RARB: variants seen among roughly 807,000 people sequenced by gnomAD.
RARB encodes retinoic acid receptor beta, also known as HBV-activated protein.
In RARB, 17 loss-of-function variants were observed where a neutral mutation model predicts 51.9. The ratio of observed to expected loss-of-function variants is 0.33; its 90% CI spans 0.22 to 0.49. The LOEUF is 0.49. Among genes scored for constraint, RARB ranks in the 20% least tolerant of loss-of-function variants. The probability of loss-of-function intolerance (pLI) is 0.99; values close to 1 mark genes in which losing one functional copy is unlikely to be tolerated. For synonymous variants in RARB, 215 were observed against 195.4 expected, an observed-to-expected ratio of 1.10 and a Z score of -0.84; for missense variants, 369 against 550.8, an observed-to-expected ratio of 0.67 and a Z score of 3.30.
chr3:25,205,739 TAAA>T (rs1320447790), intron 5 of RARB, among the ~76,000 whole-genome samples: 10 of 150,472 alleles, frequency 6.6e-5, no homozygotes, highest in Non-Finnish European at 1.3e-4. Flanking sequence ...AAACAAATAT[TAAA>T]AACCTTTTTT....
At chr3:25,204,087 T>G (rs1701466067) in intron 5 of RARB, among the ~76,000 whole-genome samples, 1 of 152,230 alleles carries the variant, frequency 6.6e-6, no homozygotes, top group Admixed American at 6.5e-5. Flanking sequence ...AGATTTGGTC[T>G]TTTCACATAG....
intron 2 of RARB, among the ~76,000 whole-genome samples, chr3:24,967,076 G>A (rs535647509): frequency 4.6e-5 from 7 of 152,174 alleles, no homozygotes; most frequent in African/African-American, 1.2e-4. Context: ...CATATACTTC[G>A]AAAGTCAACA....
At position 25,111,042 on chromosome 3, in the gene RARB, C is replaced by T. The variant is rs540257114; in HGVS notation, c.-327-21119C>T. Among the ~76,000 whole-genome samples the T allele has an allele frequency of 6.6e-5, 10 of 152,256 alleles. No individual in the cohort carries two copies. The East Asian group carries it at 1.9e-3, about 29-fold the overall frequency. On this transcript the variant is annotated intron_variant, in intron 3 of 11. Transcript: ENST00000383772. ...CTAACATCTTGGCTCTCTTTCCAGC[C>T]TCTTGAGTCTTTCTAAGGCTTGGCA...
intron 2 of RARB, among the ~76,000 whole-genome samples, chr3:24,947,516 A>C (rs182098286): frequency 6.6e-6 from 1 of 152,364 alleles, no homozygotes; most frequent in African/African-American, 2.4e-5. Context: ...CTGTGAGCCA[A>C]CGTCTCTTCC....
intron 5 of RARB, among the ~76,000 whole-genome samples, chr3:25,211,053 A>G (rs1378411459): frequency 6.6e-6 from 1 of 152,176 alleles, no homozygotes; most frequent in Admixed American, 6.5e-5. Context: ...GTAAAGATTA[A>G]TTAATAAAGT....
intron 2 of RARB, among the ~76,000 whole-genome samples, chr3:25,038,357 A>G (rs1698042644): frequency 6.7e-6 from 1 of 149,976 alleles, no homozygotes; most frequent in Non-Finnish European, 1.5e-5. Context: ...AAAATTGTCT[A>G]ATGGATAAAC....
chr3:25,052,121 A>G (rs1310815805), intron 2 of RARB, among the ~76,000 whole-genome samples: 1 of 152,204 alleles, frequency 6.6e-6, no homozygotes, highest in Non-Finnish European at 1.5e-5. Flanking sequence ...CACTGGCCAA[A>G]GCTAATTGGC....
At chr3:25,501,086 CA>C (rs1559437195) in intron 2 of RARB, 95 bp from the exon 3 acceptor site, 1 of 1,406,232 alleles carries the variant, frequency 7.1e-7, no homozygotes, top group Non-Finnish European at 9.4e-7. Flanking sequence ...CTTCGTTACT[CA>C]AAAAGAGCAA....
intron 2 of RARB, among the ~76,000 whole-genome samples, chr3:24,925,340 T>C (rs17015464): frequency 6.6e-6 from 1 of 152,014 alleles, no homozygotes; most frequent in African/African-American, 2.4e-5. Flanking sequence ...GTTGTAGATA[T>C]GTCCTTGGAA....
intron 3 of RARB, among the ~76,000 whole-genome samples, chr3:25,106,473 G>GTTTTTTTTT (rs1366761121): frequency 1.8e-5 from 2 of 111,688 alleles, no homozygotes; most frequent in African/African-American, 7.4e-5. Flanking sequence ...TTTTTGTTTT[G>GTTTTTTTTT]TTTTTTTTTT....
At chr3:25,299,221 A>G (rs1703984723) in intron 5 of RARB, among the ~76,000 whole-genome samples, 1 of 152,192 alleles carries the variant, frequency 6.6e-6, no homozygotes, top group East Asian at 1.9e-4. Context: ...CTCAATTCAG[A>G]GAATCCCTCA....
chr3:24,874,754 A>G (rs1036245380), intron 2 of RARB, among the ~76,000 whole-genome samples: 1 of 151,548 alleles, frequency 6.6e-6, no homozygotes, highest in African/African-American at 2.4e-5. Flanking sequence ...TACTTAATGT[A>G]GTTCATTTAT....
chr3:25,024,948 C>T (rs4858683), intron 2 of RARB: 75,250 of 117,900 alleles, frequency 0.64, 21,616 homozygotes, highest in East Asian at 0.74. Context: ...AGTGAGACTC[C>T]GTCTCAAAAA....
intron 3 of RARB, among the ~76,000 whole-genome samples, chr3:25,128,107 G>T (rs116699569): frequency 6.6e-6 from 1 of 151,942 alleles, no homozygotes; most frequent in Admixed American, 6.6e-5. Flanking sequence ...GGTTCACTGG[G>T]GTATTTAATT....
chr3:24,889,618 G>C (rs1262948156), intron 2 of RARB, among the ~76,000 whole-genome samples: 1 of 150,808 alleles, frequency 6.6e-6, no homozygotes, highest in Non-Finnish European at 1.5e-5. Context: ...TCTATTATTT[G>C]AGTGGTATGT....
At chr3:25,034,428 C>G (rs903623833) in intron 2 of RARB, among the ~76,000 whole-genome samples, 8 of 152,192 alleles carry the variant, frequency 5.3e-5, no homozygotes, top group Non-Finnish European at 8.8e-5. Context: ...CAATGTCTTT[C>G]TCATAGTAGG....
rs139616614 is a variant in RARB, at chr3:25,475,092, A to G, written c.306+13751A>G. On this transcript the variant is annotated intron_variant, in intron 2 of 7. Coordinates refer to ENST00000330688, the MANE Select transcript of RARB (RefSeq NM_000965.5). ...TCATAATGCAGGCACTTCTTTTGCTATGCTCACGTGTATGATGTTTGCTGT... is the reference window on the plus strand; with the variant it reads ...TCATAATGCAGGCACTTCTTTTGCTGTGCTCACGTGTATGATGTTTGCTGT... Among the ~76,000 whole-genome samples the G allele has an allele frequency of 4.6e-5, 7 of 152,322 alleles. No homozygotes were observed. The East Asian group carries it at 5.8e-4, about 13-fold the overall frequency.
chr3:25,090,104 T>G (rs1473757106), intron 3 of RARB, among the ~76,000 whole-genome samples: 1 of 152,130 alleles, frequency 6.6e-6, no homozygotes, highest in African/African-American at 2.4e-5. Context: ...AACACAGACA[T>G]AGGTCAACTC....
Position 25,242,526 on chromosome 3 carries a change from C to T in RARB, c.178+67951C>T, listed in dbSNP as rs1347503643. ...TCCAGTCTCAGTTTTCTGCATATGA[C>T]TAGCCAGTTTTCCCCATACCATTTA... On this transcript the variant is annotated intron_variant, in intron 5 of 11. Transcript: ENST00000383772. Among the ~76,000 whole-genome samples the T allele has an allele frequency of 2.6e-5, 4 of 152,146 alleles. No homozygotes were observed. The East Asian group carries it at 7.7e-4, about 29-fold the overall frequency.
Sources: gnomAD v4.1 joint callset for allele counts (sites outside exome capture counted in the v4.1 genomes callset) on GRCh38, gnomAD v4.1.1 for gene constraint, MANE v1.5 for transcripts, NCBI Gene and HGNC (gene_info 2026-07-23, HGNC 2026-07-21) for gene names.